SHROOM3: variants seen among roughly 807,000 people sequenced by gnomAD.
The protein encoded by SHROOM3 is shroom family member 3.
In SHROOM3, 47 loss-of-function variants were observed where a neutral mutation model predicts 138.6. The ratio of observed to expected loss-of-function variants is 0.34; its 90% CI spans 0.27 to 0.43. The LOEUF is 0.43. Among genes scored for constraint, SHROOM3 ranks in the 20% least tolerant of loss-of-function variants. The probability of loss-of-function intolerance (pLI) is 1.00; values close to 1 mark genes in which losing one functional copy is unlikely to be tolerated. For missense variants in SHROOM3, 2,491 were observed against 2,596.5 expected (o/e 0.96, Z 0.88); for synonymous variants, 1,062 against 1,063.3 (o/e 1.00, Z 0.02).
chr4:76,719,207 G>A (rs1720466695), intron 3 of SHROOM3, among the ~76,000 whole-genome samples: 1 of 152,174 alleles, frequency 6.6e-6, no homozygotes, highest in Non-Finnish European at 1.5e-5. Context: ...CAGTCTTGGG[G>A]GTGTTTGCAT....
In SHROOM3 at chr4:76,740,898, G is replaced by C. The variant is rs1439383040; in HGVS notation, c.2725G>C (p.Gly909Arg). 6 of 1,511,324 alleles carry C rather than the reference G, an allele frequency of 4.0e-6. No homozygotes were observed. Among genetic ancestry groups the C allele is most frequent in the Admixed American group, 2.2e-5 (1 of 44,650 alleles). The allele number at this position is 1,511,324 out of a possible 1,614,324, so 93.6% of individuals were successfully genotyped here. A position where few individuals can be genotyped will look rare whatever the true frequency, so the allele number is the denominator to read the frequency against. ...GGAGCCCGAGTGGCGGGACAGGCCC[G>C]GCTCGCCCGAATCGCCCCTGCTGGA... ...EREPEWRDRP[G>R]SPESPLLDAP... Residue 909 changes from glycine to arginine, a missense_variant, in exon 5 of 11, where the codon GGC (glycine) becomes CGC (arginine). This residue lies in a region of SHROOM3 where 1,733 missense variants were observed against 1,661.6 expected (regional missense o/e 1.04). Coordinates refer to ENST00000296043, the MANE Select transcript of SHROOM3 (RefSeq NM_020859.4). The surrounding 1 kb of genome is among the most constrained non-coding windows in gnomAD (Gnocchi z 4.0).
At chr4:76,723,069 A>G (rs114613756) in intron 3 of SHROOM3, among the ~76,000 whole-genome samples, 136 of 152,200 alleles carry the variant, frequency 8.9e-4, no homozygotes, top group African/African-American at 3.2e-3. Flanking sequence ...GTTAAAGAAT[A>G]GCATCAACAA....
At chr4:76,655,109 C>G (rs988108600) in intron 2 of SHROOM3, among the ~76,000 whole-genome samples, 4 of 152,146 alleles carry the variant, frequency 2.6e-5, no homozygotes, top group African/African-American at 9.7e-5. Context: ...GAAAATTATA[C>G]TAATATATTT....
intron 2 of SHROOM3, among the ~76,000 whole-genome samples, chr4:76,684,271 CTG>C (rs369631778): frequency 6.6e-4 from 101 of 152,296 alleles, no homozygotes; most frequent in African/African-American, 2.3e-3. Flanking sequence ...ACCTGAGTGA[CTG>C]TTATTTAACC....
intron 1 of SHROOM3, among the ~76,000 whole-genome samples, chr4:76,554,711 T>C (rs1164381468): frequency 6.6e-6 from 1 of 152,128 alleles, no homozygotes; most frequent in Non-Finnish European, 1.5e-5. Flanking sequence ...TGAGCCACCG[T>C]ACCCGGCCAG....
At chr4:76,633,745 T>C (rs1309710562) in intron 2 of SHROOM3, among the ~76,000 whole-genome samples, 3 of 152,040 alleles carry the variant, frequency 2.0e-5, no homozygotes, top group Non-Finnish European at 4.4e-5. Flanking sequence ...CAAAAAATCT[T>C]CATTTTCTCT....
chr4:76,518,825 G>A (rs1403411143), intron 1 of SHROOM3, among the ~76,000 whole-genome samples: 2 of 152,140 alleles, frequency 1.3e-5, no homozygotes, highest in African/African-American at 2.4e-5. Flanking sequence ...TTTATTGCAA[G>A]CGATGTAAAC....
rs540296573 is a variant in SHROOM3 at position 76,773,144 on chromosome 4, A to AG, written c.5622+2252dup. 3.0e-3 allele frequency among the ~76,000 whole-genome samples: 457 copies of AG among 152,180 alleles called. 4 individuals carry two copies. Among genetic ancestry groups the AG allele is most frequent in the African/African-American group, 0.01 (420 of 41,512 alleles). The stretch of plus-strand genomic sequence containing the variant: ...GTAATCCCAGCACTTTGGGAGGCCA[A>AG]GGGGGGCAGATCATGAGGTCAGGAG... On this transcript the variant is annotated intron_variant, in intron 10 of 10. Coordinates refer to ENST00000296043, the MANE Select transcript of SHROOM3 (RefSeq NM_020859.4).
intron 1 of SHROOM3, among the ~76,000 whole-genome samples, chr4:76,450,169 C>T (rs1159955206): frequency 6.6e-6 from 1 of 152,184 alleles, no homozygotes; most frequent in African/African-American, 2.4e-5. Context: ...CATCTCCTCT[C>T]CTTCCATCTC....
At chr4:76,578,407 G>A (rs1279755154) in intron 2 of SHROOM3, among the ~76,000 whole-genome samples, 1 of 152,174 alleles carries the variant, frequency 6.6e-6, no homozygotes, top group East Asian at 1.9e-4. Context: ...CACAGGAGAT[G>A]GTAGTTATCA....
intron 2 of SHROOM3, among the ~76,000 whole-genome samples, chr4:76,598,377 A>G (rs893714072): frequency 4.6e-5 from 7 of 152,188 alleles, no homozygotes; most frequent in African/African-American, 1.7e-4. Context: ...TTCTGGCAGC[A>G]TAGAAAAGAT....
intron 2 of SHROOM3, among the ~76,000 whole-genome samples, chr4:76,678,608 A>G (rs1719104302): frequency 6.6e-6 from 1 of 152,308 alleles, no homozygotes; most frequent in East Asian, 1.9e-4. Context: ...GAAAGGCCCA[A>G]AATTCTGATA....
chr4:76,596,142 A>G (rs1219001528), intron 2 of SHROOM3, among the ~76,000 whole-genome samples: 1 of 152,194 alleles, frequency 6.6e-6, no homozygotes, highest in Non-Finnish European at 1.5e-5. Flanking sequence ...GTGGTTCCAT[A>G]AACTGATAAT....
At chr4:76,447,385 T>C (rs1310961759) in intron 1 of SHROOM3, among the ~76,000 whole-genome samples, 4 of 152,226 alleles carry the variant, frequency 2.6e-5, no homozygotes, top group African/African-American at 9.7e-5. Context: ...AAAGAAGTTG[T>C]GTGGGTACAA....
chr4:76,743,174 A>G (rs1389765751), intron 5 of SHROOM3, among the ~76,000 whole-genome samples: 5 of 152,210 alleles, frequency 3.3e-5, no homozygotes, highest in African/African-American at 1.2e-4. Flanking sequence ...GCATGATGAC[A>G]AGAGATTAGG....
chr4:76,550,062 A>G (rs1430663626), intron 1 of SHROOM3, among the ~76,000 whole-genome samples: 1 of 152,074 alleles, frequency 6.6e-6, no homozygotes, highest in African/African-American at 2.4e-5. Context: ...CACAGAAAGA[A>G]TCCAGCCTAA....
chr4:76,764,143 T>C (rs1722073154), intron 9 of SHROOM3, among the ~76,000 whole-genome samples: 1 of 152,230 alleles, frequency 6.6e-6, no homozygotes, highest in Non-Finnish European at 1.5e-5. Flanking sequence ...GATATTTCTA[T>C]TTATATATCC....
chr4:76,479,947 A>C (rs2109987090), intron 1 of SHROOM3, among the ~76,000 whole-genome samples: 1 of 152,340 alleles, frequency 6.6e-6, no homozygotes, highest in East Asian at 1.9e-4. Context: ...TGTCACCACC[A>C]GGCCTACCTT....
intron 1 of SHROOM3, among the ~76,000 whole-genome samples, chr4:76,454,612 T>C (rs1730990123): frequency 6.6e-6 from 1 of 152,228 alleles, no homozygotes; most frequent in Non-Finnish European, 1.5e-5. Flanking sequence ...AACCTACACA[T>C]TTGTCTTCTT....
Sources: gnomAD v4.1 joint callset for allele counts (sites outside exome capture counted in the v4.1 genomes callset) on GRCh38, gnomAD v4.1.1 for gene constraint, gnomAD v4.1.1 regional missense constraint, Gnocchi (gnomAD v3.1) non-coding constraint, MANE v1.5 for transcripts, NCBI Gene and HGNC (gene_info 2026-07-23, HGNC 2026-07-21) for gene names.